NEB: variants seen among roughly 807,000 people sequenced by gnomAD.
NEB encodes the protein nemaline myopathy type 2.
Under a neutral mutation model 952.2 loss-of-function variants are expected in NEB, and 512 were observed. The ratio of observed to expected loss-of-function variants is 0.54; its 90% CI spans 0.50 to 0.58. The LOEUF is 0.58. Among genes scored for constraint, NEB ranks in the 20% least tolerant of loss-of-function variants. The pLI is 0.00. For missense variants in NEB, 8,428 were observed against 9,231.1 expected (o/e 0.91, Z 3.56); for synonymous variants, 2,900 against 3,149.8 (o/e 0.92, Z 2.66).
intron 13 of NEB, 62 bp from the exon 14 acceptor site, chr2:151,697,710 C>T (rs2099606316): frequency 9.8e-7 from 1 of 1,020,266 alleles, no homozygotes; most frequent in Non-Finnish European, 1.5e-6. Flanking sequence ...GATTATAACA[C>T]TTACATTTTC....
At chr2:151,525,412 C>G (rs2085136019) in intron 150 of NEB, 139 bp from the exon 151 acceptor site, 1 of 639,902 alleles carries the variant, frequency 1.6e-6, no homozygotes, top group Admixed American at 2.7e-5. Context: ...GACCCATATT[C>G]TAGTTCTTCT....
In NEB at chr2:151,690,785, G is replaced by A. The variant is rs1295822048; in HGVS notation, c.2252C>T (p.Ala751Val). Residue 751 changes from alanine (A) to valine (V), a missense_variant, in exon 24 of 182, where the codon GCA becomes GTA. This residue lies in a region of NEB where 2,851 missense variants were observed against 2,791.5 expected (regional missense o/e 1.02). Coordinates refer to ENST00000397345, the MANE Select transcript of NEB (RefSeq NM_001164508.2). Reference protein sequence around the residue: ...KVHPDKTKFTAVTDSPVLLQA... With the variant: ...KVHPDKTKFTVVTDSPVLLQA... ...CAACAGTACAGGAGAATCAGTGACTGCCGTGAATTTGGTCTTATCTGGATG... is the reference window on the plus strand; with the variant it reads ...CAACAGTACAGGAGAATCAGTGACTACCGTGAATTTGGTCTTATCTGGATG... The A allele has an allele frequency of 2.5e-6, 4 of 1,597,992 alleles. No individual in the cohort carries two copies. In the African/African-American group the frequency reaches 5.4e-5, roughly 21 times the overall value.
intron 71 of NEB, among the ~76,000 whole-genome samples, chr2:151,623,282 G>T (rs977567497): frequency 4.6e-5 from 7 of 152,056 alleles, no homozygotes; most frequent in African/African-American, 1.7e-4. Flanking sequence ...TTCTGGAAAA[G>T]AATTTAGAAA....
intron 70 of NEB, among the ~76,000 whole-genome samples, chr2:151,626,395 T>C (rs2154055307): frequency 6.6e-6 from 1 of 152,334 alleles, no homozygotes; most frequent in Non-Finnish European, 1.5e-5. Context: ...AGATTACAGG[T>C]GTGAGACACC....
intron 40 of NEB, 117 bp from the exon 41 acceptor site, chr2:151,666,518 G>A: frequency 1.1e-6 from 1 of 928,028 alleles, no homozygotes; most frequent in Non-Finnish European, 1.6e-6. Flanking sequence ...TAACATCGAA[G>A]TTTTTTTTTG....
chr2:151,645,742 T>A (rs1183158094), intron 55 of NEB, among the ~76,000 whole-genome samples: 2 of 152,162 alleles, frequency 1.3e-5, no homozygotes, highest in Non-Finnish European at 1.5e-5. Flanking sequence ...CCTGCGTGGG[T>A]TTTGTATGCT....
At position 151,657,991 on chromosome 2, in the gene NEB, C is replaced by T. The variant is rs369215974; in HGVS notation, c.6175G>A (p.Ala2059Thr). The change falls in exon 48 of 182, where the codon GCA (alanine) becomes ACA (threonine). Residue 2059 changes from alanine (A) to threonine (T), a missense_variant. By Grantham distance (58) the Ala-to-Thr change is moderately conservative. This residue lies in a region of NEB where 2,851 missense variants were observed against 2,791.5 expected (regional missense o/e 1.02). Coordinates refer to ENST00000397345, the MANE Select transcript of NEB (RefSeq NM_001164508.2). ...IKAAKASRDIASDYKYKYNYE... is the reference protein window; with the variant it reads ...IKAAKASRDITSDYKYKYNYE... ...GTTTCCTTTGGACTTACATCACTTGCAATATCTCTGGAAGCCTTGGCAGCT... is the reference window on the plus strand; with the variant it reads ...GTTTCCTTTGGACTTACATCACTTGTAATATCTCTGGAAGCCTTGGCAGCT... 175 of 1,603,152 alleles carry T rather than the reference C, an allele frequency of 1.1e-4. 1 individual carries two copies. The highest frequency in any genetic ancestry group is 1.7e-4 in the Admixed American group (10 of 59,564).
intron 133 of NEB, among the ~76,000 whole-genome samples, chr2:151,546,644 C>T (rs893023620): frequency 2.6e-5 from 4 of 151,416 alleles, no homozygotes; most frequent in Non-Finnish European, 2.9e-5. Context: ...CTGCAACCTC[C>T]GCCTCCCGAG....
intron 150 of NEB, 105 bp downstream of exon 150, chr2:151,525,853 G>C (rs1336358459): frequency 1.2e-6 from 1 of 852,028 alleles, no homozygotes. Context: ...TTGATGGTAA[G>C]AGTGAAGCTA....
At chr2:151,487,608 C>T (rs969802749) in intron 181 of NEB, among the ~76,000 whole-genome samples, 1 of 152,076 alleles carries the variant, frequency 6.6e-6, no homozygotes, top group Middle Eastern at 3.2e-3. Context: ...CAGCCATTTT[C>T]ATTTTTCTGG....
intron 9 of NEB, among the ~76,000 whole-genome samples, chr2:151,722,657 C>G (rs934063339): frequency 6.6e-6 from 1 of 152,138 alleles, no homozygotes; most frequent in Admixed American, 6.5e-5. Context: ...GATCCTCCTA[C>G]CTCAGCCTCC....
At position 151,510,060 on chromosome 2, in the gene NEB, C is replaced by A. The variant is rs138684936; in HGVS notation, c.23347-1951G>T. Among the ~76,000 whole-genome samples, 2,700 of 152,290 alleles carry A rather than the reference C, an allele frequency of 0.018. 130 individuals carry two copies. In the East Asian group the frequency reaches 0.2, roughly 11 times the overall value. Reference sequence around the variant, plus strand: ...ATCTAAAGACATAAGTGATTAACTTCTTTTAATTTATAACTAAGGTCTGAG... The same window carrying A: ...ATCTAAAGACATAAGTGATTAACTTATTTTAATTTATAACTAAGGTCTGAG... On this transcript the variant is annotated intron_variant, in intron 161 of 181. Coordinates refer to ENST00000397345, the MANE Select transcript of NEB (RefSeq NM_001164508.2).
At chr2:151,707,256 A>T (rs2099710091) in intron 12 of NEB, among the ~76,000 whole-genome samples, 1 of 152,194 alleles carries the variant, frequency 6.6e-6, no homozygotes, top group Non-Finnish European at 1.5e-5. Context: ...GCTTGGGGAC[A>T]GATATAAGAA....
chr2:151,578,351 C>T lies in NEB; in HGVS notation c.16704+987G>A, dbSNP rs370477835. On this transcript the variant is annotated intron_variant, in intron 105 of 181. Transcript: ENST00000397345. The stretch of plus-strand genomic sequence containing the variant: ...ATTAAGTTTGAGGAAGATGGTCCTG[C>T]CCTTCTTTGATTCATAGCTGAAGGA... Among the ~76,000 whole-genome samples, 21 of 149,456 alleles carry T rather than the reference C, an allele frequency of 1.4e-4. 1 individual carries two copies. In the East Asian group the frequency reaches 3.5e-3, roughly 25 times the overall value.
chr2:151,707,134 C>T lies in NEB; in HGVS notation c.1036-137G>A. 2 of 603,758 alleles carry T rather than the reference C, an allele frequency of 3.3e-6. 1 individual carries two copies. Among genetic ancestry groups the T allele is most frequent in the South Asian group, 4.3e-5 (2 of 46,112 alleles). 37.4% of individuals were successfully genotyped at this position (603,758 alleles called of 1,614,324 possible). A position where few individuals can be genotyped will look rare whatever the true frequency, so the allele number is the denominator to read the frequency against. On this transcript the variant is annotated intron_variant, in intron 12 of 181. Coordinates refer to ENST00000397345, the MANE Select transcript of NEB (RefSeq NM_001164508.2). ...AGCTTGACATTTTATAAACAAAATA[C>T]TCATAGTAACTCTTAAAAGCAGCAG...
intron 135 of NEB, among the ~76,000 whole-genome samples, chr2:151,544,185 T>C (rs944833817): frequency 1.3e-5 from 2 of 152,174 alleles, no homozygotes; most frequent in Non-Finnish European, 2.9e-5. Flanking sequence ...TCCTCAGTGC[T>C]GATGCACAAC....
intron 157 of NEB, among the ~76,000 whole-genome samples, chr2:151,516,130 G>C (rs2077587646): frequency 6.6e-6 from 1 of 152,140 alleles, no homozygotes; most frequent in South Asian, 2.1e-4. Context: ...AAAGCCAAAG[G>C]GGTGTCTGTG....
chr2:151,517,014 T>G (rs528372410), intron 156 of NEB, among the ~76,000 whole-genome samples: 7 of 152,336 alleles, frequency 4.6e-5, no homozygotes, highest in African/African-American at 1.7e-4. Context: ...GGGGTCTAGA[T>G]TGAATGGATA....
chr2:151,644,441 C>A, intron 56 of NEB, 27 bp downstream of exon 56: 1 of 1,567,118 alleles, frequency 6.4e-7, no homozygotes, highest in Non-Finnish European at 8.8e-7. Context: ...GCAATCAAAT[C>A]AATATCAACA....
Sources: gnomAD v4.1 joint callset for allele counts (sites outside exome capture counted in the v4.1 genomes callset) on GRCh38, gnomAD v4.1.1 for gene constraint, gnomAD v4.1.1 regional missense constraint, MANE v1.5 for transcripts, NCBI Gene and HGNC (gene_info 2026-07-23, HGNC 2026-07-21) for gene names.